RBMS1: variants seen among roughly 807,000 people sequenced by gnomAD.
RBMS1 encodes the protein RNA binding motif single stranded interacting protein 1, also known as RNA-binding motif, single-stranded-interacting protein 1.
In RBMS1, 17 loss-of-function variants were observed where a neutral mutation model predicts 62.3. The ratio of observed to expected loss-of-function variants is 0.27; its 90% CI spans 0.19 to 0.41. The LOEUF is 0.41. Ranked by LOEUF, RBMS1 falls within the 10% of genes least tolerant of loss-of-function variation. RBMS1 has a pLI of 1.00. For missense variants in RBMS1, 334 were observed against 504.5 expected (o/e 0.66, Z 3.24); for synonymous variants, 172 against 170.0 (o/e 1.01, Z -0.09).
intron 10 of RBMS1, among the ~76,000 whole-genome samples, chr2:160,280,965 A>G (rs1323941914): frequency 6.6e-6 from 1 of 152,220 alleles, no homozygotes; most frequent in Non-Finnish European, 1.5e-5. Context: ...TTTGAACTTT[A>G]TATCTGCATT....
At chr2:160,305,337 T>C (rs936944282) in intron 4 of RBMS1, among the ~76,000 whole-genome samples, 1 of 152,210 alleles carries the variant, frequency 6.6e-6, no homozygotes, top group Admixed American at 6.5e-5. Context: ...ACCATTTTTA[T>C]CTTTTATACC....
At position 160,274,142 on chromosome 2, in the gene RBMS1, C is replaced by G. The variant is rs1299850041; in HGVS notation, c.*630G>C. ...TTTGAACTAACTTTTACTGAAACAG[C>G]TACAGCATCAAAAGAGTTAAGGCAA... is the stretch of plus-strand genomic sequence containing the variant. On this transcript the variant is annotated 3_prime_UTR_variant, in exon 14 of 14. Transcript: ENST00000348849. 6.5e-6 allele frequency: 1 copy of G among 152,696 alleles called. No homozygotes were observed. The highest frequency in any genetic ancestry group is 6.5e-5 in the Admixed American group (1 of 15,296). The allele number at this position is 152,696 out of a possible 1,614,324, so 9.5% of individuals were successfully genotyped here. A position where few individuals can be genotyped will look rare whatever the true frequency, so the allele number is the denominator to read the frequency against.
intron 1 of RBMS1, among the ~76,000 whole-genome samples, chr2:160,447,430 T>C (rs1401331821): frequency 6.6e-6 from 1 of 152,260 alleles, no homozygotes; most frequent in Non-Finnish European, 1.5e-5. Context: ...CATAATTCTA[T>C]TTTGTTCTTC....
intron 4 of RBMS1, among the ~76,000 whole-genome samples, chr2:160,303,770 G>A (rs1386988651): frequency 6.6e-6 from 1 of 152,066 alleles, no homozygotes; most frequent in Non-Finnish European, 1.5e-5. Flanking sequence ...AGTTGTTTGC[G>A]GTGTTTCTAA....
intron 1 of RBMS1, among the ~76,000 whole-genome samples, chr2:160,445,595 TAC>T (rs1027389402): frequency 6.2e-4 from 95 of 152,364 alleles, no homozygotes; most frequent in African/African-American, 2.3e-3. Context: ...TGGAAATCAA[TAC>T]AGTTATTAAG....
chr2:160,365,541 G>T (rs1693351179), intron 2 of RBMS1, among the ~76,000 whole-genome samples: 1 of 152,122 alleles, frequency 6.6e-6, no homozygotes, highest in Non-Finnish European at 1.5e-5. Flanking sequence ...AAAAATTACT[G>T]ACTCAATTTT....
At chr2:160,493,221 AG>A in intron 1 of RBMS1, 67 bp downstream of exon 1, 2 of 1,463,834 alleles carry the variant, frequency 1.4e-6, no homozygotes, top group African/African-American at 1.4e-5. Flanking sequence ...CCCCCTCCCC[AG>A]GCCTGACCCT....
chr2:160,347,735 C>A (rs1275578769), intron 2 of RBMS1, among the ~76,000 whole-genome samples: 1 of 152,024 alleles, frequency 6.6e-6, no homozygotes, highest in East Asian at 1.9e-4. Context: ...ACAAAAGTAC[C>A]TTCATATATA....
intron 1 of RBMS1, among the ~76,000 whole-genome samples, chr2:160,398,372 T>C (rs1314616012): frequency 6.6e-6 from 1 of 152,208 alleles, no homozygotes; most frequent in Non-Finnish European, 1.5e-5. Flanking sequence ...CATATAACAA[T>C]GTGTTTGAGA....
intron 6 of RBMS1, among the ~76,000 whole-genome samples, chr2:160,290,303 C>T (rs759055855): frequency 2.6e-5 from 4 of 151,294 alleles, no homozygotes; most frequent in African/African-American, 9.7e-5. Flanking sequence ...AAAGGAAGTG[C>T]CATAAATACT....
intron 1 of RBMS1, among the ~76,000 whole-genome samples, chr2:160,402,970 T>C (rs757458111): frequency 6.6e-6 from 1 of 152,126 alleles, no homozygotes; most frequent in Admixed American, 6.5e-5. Context: ...AAAGTACTAA[T>C]ATATGGTGAG....
chr2:160,329,580 T>C (rs532366744), intron 2 of RBMS1, among the ~76,000 whole-genome samples: 2 of 152,186 alleles, frequency 1.3e-5, no homozygotes, highest in Admixed American at 6.5e-5. Context: ...TATCTTTATA[T>C]GAAAACACGT....
chr2:160,433,054 C>G (rs1682962516), intron 1 of RBMS1, among the ~76,000 whole-genome samples: 1 of 151,924 alleles, frequency 6.6e-6, no homozygotes, highest in Non-Finnish European at 1.5e-5. Flanking sequence ...TGGCTTCTAG[C>G]TAACTGGTCA....
intron 1 of RBMS1, among the ~76,000 whole-genome samples, chr2:160,490,187 G>T (rs138904248): frequency 2.2e-4 from 34 of 151,622 alleles, no homozygotes; most frequent in African/African-American, 8.2e-4. Flanking sequence ...TTAAAATTGA[G>T]AAAATTATTT....
At chr2:160,365,980 A>G (rs560724991) in intron 2 of RBMS1, among the ~76,000 whole-genome samples, 1 of 152,330 alleles carries the variant, frequency 6.6e-6, no homozygotes, top group South Asian at 2.1e-4. Flanking sequence ...AGTGCAGGAC[A>G]TTATTTCACT....
chr2:160,404,773 A>T (rs1394651247), intron 1 of RBMS1, among the ~76,000 whole-genome samples: 4 of 152,162 alleles, frequency 2.6e-5, no homozygotes, highest in Non-Finnish European at 5.9e-5. Context: ...TGTATCATCC[A>T]TTTGCTTCAT....
At chr2:160,391,082 G>A (rs995444398) in intron 1 of RBMS1, among the ~76,000 whole-genome samples, 2 of 151,404 alleles carry the variant, frequency 1.3e-5, no homozygotes, top group African/African-American at 4.9e-5. Flanking sequence ...GTTATGGGGT[G>A]AATTGTATGC....
At chr2:160,412,841 G>C (rs1414918032) in intron 1 of RBMS1, among the ~76,000 whole-genome samples, 1 of 152,188 alleles carries the variant, frequency 6.6e-6, no homozygotes, top group Non-Finnish European at 1.5e-5. Context: ...TGCAGACTTG[G>C]GGTAATCACT....
intron 1 of RBMS1, among the ~76,000 whole-genome samples, chr2:160,396,936 G>C (rs1695178287): frequency 6.6e-6 from 1 of 152,186 alleles, no homozygotes; most frequent in African/African-American, 2.4e-5. Flanking sequence ...TAGGCGGAAG[G>C]ATCTTATCAG....
Sources: gnomAD v4.1 joint callset for allele counts (sites outside exome capture counted in the v4.1 genomes callset) on GRCh38, gnomAD v4.1.1 for gene constraint, MANE v1.5 for transcripts, NCBI Gene and HGNC (gene_info 2026-07-23, HGNC 2026-07-21) for gene names.